GADL1: variants seen among roughly 807,000 people sequenced by gnomAD.
GADL1 encodes acidic amino acid decarboxylase GADL1.
In GADL1, 71 loss-of-function variants were observed where a neutral mutation model predicts 69.5. The observed-to-expected ratio is 1.02, with a 90% CI of 0.84 to 1.25. The LOEUF is 1.25. Ranked by LOEUF, GADL1 falls within the 50% of genes most tolerant of loss-of-function variation. The pLI is 0.00. For synonymous variants in GADL1, 254 were observed against 214.4 expected, an observed-to-expected ratio of 1.18 and a Z score of -1.62; for missense variants, 737 against 631.8, an observed-to-expected ratio of 1.17 and a Z score of -1.79.
chr3:30,731,842 C>T (rs901727658), intron 14 of GADL1, among the ~76,000 whole-genome samples: 3 of 152,150 alleles, frequency 2.0e-5, no homozygotes, highest in African/African-American at 4.8e-5. Context: ...ATGAATACTT[C>T]GCGGGAAAGA....
intron 14 of GADL1, among the ~76,000 whole-genome samples, chr3:30,763,316 G>GT (rs1281317626): frequency 6.6e-6 from 1 of 152,028 alleles, no homozygotes; most frequent in Non-Finnish European, 1.5e-5. Context: ...GGCTAACACG[G>GT]TGAAACCCCC....
chr3:30,850,199 T>A lies in GADL1; in HGVS notation c.536-88A>T. 4.1e-6 allele frequency: 3 copies of A among 739,674 alleles called. No homozygotes were observed. In the South Asian group the frequency reaches 4.4e-5, roughly 11 times the overall value. 45.8% of individuals were successfully genotyped at this position (739,674 alleles called of 1,614,324 possible). ...ATACAGTGGAAAGCATGAATGGCCATGACTGCTCTAGTCTAATGAAAAATC... is the reference window on the plus strand; with the variant it reads ...ATACAGTGGAAAGCATGAATGGCCAAGACTGCTCTAGTCTAATGAAAAATC... On this transcript the variant is annotated intron_variant, in intron 5 of 14. Transcript: ENST00000282538.
At chr3:30,805,266 G>A (rs1559504863) in intron 11 of GADL1, among the ~76,000 whole-genome samples, 1 of 152,154 alleles carries the variant, frequency 6.6e-6, no homozygotes, top group African/African-American at 2.4e-5. Context: ...ATAGGGCTAG[G>A]TTTCAAACCA....
At chr3:30,835,783 G>A (rs1317064872) in intron 9 of GADL1, among the ~76,000 whole-genome samples, 1 of 152,068 alleles carries the variant, frequency 6.6e-6, no homozygotes, top group African/African-American at 2.4e-5. Context: ...TTTCAAGGGT[G>A]TTGGGTGTTC....
intron 1 of GADL1, among the ~76,000 whole-genome samples, chr3:30,866,851 C>A (rs1235482827): frequency 6.6e-6 from 1 of 152,056 alleles, no homozygotes; most frequent in South Asian, 2.1e-4. Context: ...TTTTACTGAC[C>A]ATTCCAGAAA....
intron 1 of GADL1, among the ~76,000 whole-genome samples, chr3:30,887,215 T>C (rs967952933): frequency 3.9e-5 from 6 of 152,106 alleles, no homozygotes; most frequent in Non-Finnish European, 7.4e-5. Flanking sequence ...CACACTAGGG[T>C]TGTACAAACT....
rs147782970 is a variant in GADL1, at chr3:30,729,322, C to T, written c.1393-907G>A. On this transcript the variant is annotated intron_variant, in intron 14 of 14. Transcript: ENST00000282538. ...ACACTGAGTTAAAATATTAAGAATG[C>T]ATTTTTACTGTCTTGGAAATACAAG... is the stretch of plus-strand genomic sequence containing the variant. Among the ~76,000 whole-genome samples the T allele has an allele frequency of 4.4e-3, 675 of 152,208 alleles. 6 individuals carry two copies. The highest frequency in any genetic ancestry group is 0.016 in the African/African-American group (655 of 41,532).
intron 13 of GADL1, among the ~76,000 whole-genome samples, chr3:30,780,802 C>A (rs751304979): frequency 3.9e-5 from 6 of 152,178 alleles, no homozygotes; most frequent in Non-Finnish European, 7.3e-5. Flanking sequence ...CCTTCTGACA[C>A]TTCACTTCAT....
At chr3:30,837,966 A>T (rs1697900890) in intron 9 of GADL1, among the ~76,000 whole-genome samples, 1 of 152,142 alleles carries the variant, frequency 6.6e-6, no homozygotes, top group Non-Finnish European at 1.5e-5. Flanking sequence ...AAATGTTAGT[A>T]TTCAGTTAAT....
intron 1 of GADL1, among the ~76,000 whole-genome samples, chr3:30,875,350 A>C (rs910168019): frequency 3.9e-5 from 6 of 151,924 alleles, no homozygotes; most frequent in Non-Finnish European, 8.8e-5. Flanking sequence ...ATCAAAATTC[A>C]TATTCCTCTC....
At chr3:30,737,114 A>G (rs1349335555) in intron 14 of GADL1, among the ~76,000 whole-genome samples, 5 of 152,112 alleles carry the variant, frequency 3.3e-5, no homozygotes, top group East Asian at 1.9e-4. Flanking sequence ...TCAGGCCCCA[A>G]TCAGAGCAGC....
chr3:30,806,509 T>G (rs984778861), intron 11 of GADL1, among the ~76,000 whole-genome samples: 1 of 152,226 alleles, frequency 6.6e-6, no homozygotes, highest in Non-Finnish European at 1.5e-5. Context: ...TTTGGGTACC[T>G]TAATATAGGC....
At chr3:30,799,119 G>A (rs1228479574) in intron 12 of GADL1, 2 of 152,268 alleles carry the variant, frequency 1.3e-5, no homozygotes, top group African/African-American at 4.8e-5. Context: ...TTGTCTCATA[G>A]CTCCACTAGG....
chr3:30,810,990 T>TA (rs887757223), intron 11 of GADL1, among the ~76,000 whole-genome samples: 3 of 152,118 alleles, frequency 2.0e-5, no homozygotes, highest in African/African-American at 7.2e-5. Flanking sequence ...TTATCATCTG[T>TA]AAAAAACCAC....
At chr3:30,731,318 T>A (rs1695453855) in intron 14 of GADL1, among the ~76,000 whole-genome samples, 1 of 152,254 alleles carries the variant, frequency 6.6e-6, no homozygotes, top group Non-Finnish European at 1.5e-5. Context: ...CAGGCCTAAT[T>A]TGCATAGTGT....
intron 8 of GADL1, among the ~76,000 whole-genome samples, chr3:30,842,192 A>T (rs1333715364): frequency 6.6e-6 from 1 of 152,070 alleles, no homozygotes; most frequent in Non-Finnish European, 1.5e-5. Context: ...TATTTTTTTT[A>T]AAAGGGCAAT....
intron 1 of GADL1, among the ~76,000 whole-genome samples, chr3:30,888,361 T>G (rs1419922971): frequency 6.6e-6 from 1 of 152,110 alleles, no homozygotes; most frequent in Non-Finnish European, 1.5e-5. Context: ...GTTCTATGTG[T>G]GCATACCTCA....
intron 1 of GADL1, among the ~76,000 whole-genome samples, chr3:30,879,530 AAAGGCCTATGT>A (rs1251225224): frequency 6.6e-6 from 1 of 151,924 alleles, no homozygotes; most frequent in Non-Finnish European, 1.5e-5. Context: ...AGAAGCTGAT[AAAGGCCTATGT>A]TGTTGCTTAC....
chr3:30,812,111 T>C (rs1697368635), intron 11 of GADL1, among the ~76,000 whole-genome samples: 1 of 152,204 alleles, frequency 6.6e-6, no homozygotes, highest in African/African-American at 2.4e-5. Context: ...ATAAGAGTTT[T>C]ATTTGTGTGA....
Sources: allele counts gnomAD v4.1 joint callset (sites outside exome capture counted in the v4.1 genomes callset), GRCh38; gene constraint gnomAD v4.1.1; transcripts MANE v1.5; gene names NCBI Gene and HGNC (gene_info 2026-07-23, HGNC 2026-07-21).